DOCK1: variants seen among roughly 807,000 people sequenced by gnomAD.
DOCK1 encodes the protein dedicator of cytokinesis protein 1.
Under a neutral mutation model 262.7 loss-of-function variants are expected in DOCK1, and 138 were observed. The observed-to-expected ratio is 0.53, with a 90% CI of 0.46 to 0.61. The LOEUF is 0.61. DOCK1 is among the 20% of genes least tolerant of loss of function. The pLI, the probability that DOCK1 is intolerant of heterozygous loss-of-function variation, is 0.00. For synonymous variants in DOCK1, 866 were observed against 867.4 expected, an observed-to-expected ratio of 1.00 and a Z score of 0.03; for missense variants, 1,908 against 2,370.7, an observed-to-expected ratio of 0.80 and a Z score of 4.05.
At chr10:127,092,485 GGAGGAAAAGTT>G in intron 23 of DOCK1, among the ~76,000 whole-genome samples, 1 of 152,160 alleles carries the variant, frequency 6.6e-6, no homozygotes, top group Non-Finnish European at 1.5e-5. Flanking sequence ...ACAGACACTG[GGAGGAAAAGTT>G]GAGGAACCTT....
chr10:127,346,186 A>C (rs2135781455), intron 31 of DOCK1, among the ~76,000 whole-genome samples: 1 of 152,322 alleles, frequency 6.6e-6, no homozygotes, highest in East Asian at 1.9e-4. Flanking sequence ...CTGCCTCAAA[A>C]GAGCTGGCAT....
At chr10:126,925,023 C>T (rs1047982769) in intron 1 of DOCK1, among the ~76,000 whole-genome samples, 1 of 152,202 alleles carries the variant, frequency 6.6e-6, no homozygotes, top group Non-Finnish European at 1.5e-5. Context: ...ATGTGTCAAC[C>T]CACGTTTTTA....
At chr10:127,227,029 C>T (rs115435088) in intron 27 of DOCK1, among the ~76,000 whole-genome samples, 2,031 of 152,276 alleles carry the variant, frequency 0.013, 51 homozygotes, top group African/African-American at 0.047. Flanking sequence ...GCCCCAGCAC[C>T]GGACTTGGCC....
At chr10:126,952,747 T>TTGG (rs1274484295) in intron 1 of DOCK1, among the ~76,000 whole-genome samples, 1 of 96 alleles carries the variant, frequency 0.01, no homozygotes, top group African/African-American at 0.024. Context: ...ATTGGTAGTA[T>TTGG]TGGTGGTAGT....
At chr10:127,390,716 A>G (rs553909187) in intron 38 of DOCK1, among the ~76,000 whole-genome samples, 1 of 152,330 alleles carries the variant, frequency 6.6e-6, no homozygotes, top group South Asian at 2.1e-4. Context: ...CGCCCCCAGC[A>G]CCTACTCAGT....
intron 27 of DOCK1, among the ~76,000 whole-genome samples, chr10:127,205,719 C>T (rs575670104): frequency 3.6e-4 from 55 of 152,218 alleles, no homozygotes; most frequent in African/African-American, 1.2e-3. Context: ...GCTTAAATTG[C>T]GATTCATATG....
At chr10:127,196,617 G>A (rs1283391479) in intron 27 of DOCK1, among the ~76,000 whole-genome samples, 1 of 146,946 alleles carries the variant, frequency 6.8e-6, no homozygotes, top group African/African-American at 2.4e-5. Context: ...GAGGTGGGGC[G>A]GGGGCGGCGC....
intron 27 of DOCK1, among the ~76,000 whole-genome samples, chr10:127,193,203 G>A (rs2056872338): frequency 6.6e-6 from 1 of 152,120 alleles, no homozygotes; most frequent in African/African-American, 2.4e-5. Flanking sequence ...TGGTGGGGAG[G>A]GGTTGTGGTG....
intron 37 of DOCK1, among the ~76,000 whole-genome samples, chr10:127,382,374 C>T (rs1278474156): frequency 1.3e-5 from 2 of 152,304 alleles, no homozygotes; most frequent in Non-Finnish European, 2.9e-5. Flanking sequence ...GTTTCTGTGA[C>T]ACAAATATAC....
chr10:127,105,340 A>T (rs1342372811), intron 23 of DOCK1, among the ~76,000 whole-genome samples: 1 of 152,256 alleles, frequency 6.6e-6, no homozygotes, highest in Non-Finnish European at 1.5e-5. Context: ...CAAGGGTCCT[A>T]GCACAGTGTG....
rs2148377 is a variant in DOCK1 at position 127,416,563 on chromosome 10, G to A, written c.4515+1325G>A. On this transcript the variant is annotated intron_variant, in intron 44 of 51. Transcript: ENST00000623213. The stretch of plus-strand genomic sequence containing the variant: ...TGGCCATTTTGAACAGACTAAGAGG[G>A]CAGGAAGGCAAATAATCCCAGAATG... 6.1e-3 allele frequency among the ~76,000 whole-genome samples: 934 copies of A among 152,294 alleles called. 13 individuals carry two copies. Among genetic ancestry groups the A allele is most frequent in the Middle Eastern group, 0.054 (16 of 294 alleles).
intron 1 of DOCK1, among the ~76,000 whole-genome samples, chr10:126,944,488 C>T (rs2035248937): frequency 6.6e-6 from 1 of 152,004 alleles, no homozygotes; most frequent in Non-Finnish European, 1.5e-5. Context: ...TGGAAGCCTC[C>T]AGAGATGACC....
chr10:127,321,586 G>T (rs919895696), intron 29 of DOCK1, among the ~76,000 whole-genome samples: 1 of 151,804 alleles, frequency 6.6e-6, no homozygotes, highest in Non-Finnish European at 1.5e-5. Flanking sequence ...CCAAGGCTGA[G>T]CACAGGTCCC....
chr10:127,231,010 A>G (rs1404848519), intron 27 of DOCK1, among the ~76,000 whole-genome samples: 1 of 152,092 alleles, frequency 6.6e-6, no homozygotes, highest in Non-Finnish European at 1.5e-5. Flanking sequence ...TTCAGTGTAC[A>G]GATCTCTCTC....
chr10:127,027,280 CT>C (rs1306831770), intron 16 of DOCK1, among the ~76,000 whole-genome samples: 1 of 152,250 alleles, frequency 6.6e-6, no homozygotes, highest in African/African-American at 2.4e-5. Flanking sequence ...TGAGCCTCTT[CT>C]GTATCTTCAT....
intron 21 of DOCK1, among the ~76,000 whole-genome samples, chr10:127,044,352 G>A (rs930328653): frequency 1.3e-5 from 2 of 152,100 alleles, no homozygotes; most frequent in Non-Finnish European, 2.9e-5. Flanking sequence ...GCTCCAGGAA[G>A]GCTAAGAGCT....
chr10:126,956,226 G>T (rs988154680), intron 1 of DOCK1, among the ~76,000 whole-genome samples: 2 of 152,240 alleles, frequency 1.3e-5, no homozygotes, highest in Admixed American at 6.5e-5. Flanking sequence ...AGCATCTGAG[G>T]TGTGCAAACA....
At position 127,175,104 on chromosome 10, in the gene DOCK1, A is replaced by G. The variant is rs1399671271; in HGVS notation, c.2847+47340A>G. On this transcript the variant is annotated intron_variant, in intron 27 of 51. Transcript: ENST00000623213. This position sits in a 1 kb window ranked among gnomAD's most constrained non-coding sequence, Gnocchi z 6.3. ...CACGCCCTTAGACTATGACCTGTTT[A>G]CGGAAATGCTGGCTTTAGTCTCATT... 4.2e-6 allele frequency: 4 copies of G among 962,618 alleles called. No homozygotes were observed. The highest frequency in any genetic ancestry group is 2.2e-5 in the Admixed American group (1 of 44,658). 59.6% of individuals were successfully genotyped at this position (962,618 alleles called of 1,614,324 possible).
chr10:127,297,362 G>C (rs1314562629), intron 29 of DOCK1, among the ~76,000 whole-genome samples: 2 of 152,140 alleles, frequency 1.3e-5, no homozygotes, highest in South Asian at 2.1e-4. Flanking sequence ...TGGATCATAG[G>C]GGGTCAGTGA....
Sources: gnomAD v4.1 joint callset for allele counts (sites outside exome capture counted in the v4.1 genomes callset) on GRCh38, gnomAD v4.1.1 for gene constraint, Gnocchi (gnomAD v3.1) non-coding constraint, MANE v1.5 for transcripts, NCBI Gene and HGNC (gene_info 2026-07-23, HGNC 2026-07-21) for gene names.